Variants in FSTL5 observed in about 807,000 individuals in gnomAD.
FSTL5 encodes the protein follistatin-related protein 5.
Under a neutral mutation model 89.1 loss-of-function variants are expected in FSTL5, and 62 were observed. The observed-to-expected ratio is 0.70, with a 90% confidence interval of 0.57 to 0.86. The LOEUF is 0.86. FSTL5 is among the 40% of genes least tolerant of loss of function. The pLI is 0.00. For missense variants in FSTL5, 1,057 were observed against 1,001.6 expected (o/e 1.06, Z -0.75); for synonymous variants, 383 against 346.2 (o/e 1.11, Z -1.18).
chr4:161,507,161 T>G (rs1459234040), intron 11 of FSTL5, among the ~76,000 whole-genome samples: 1 of 151,992 alleles, frequency 6.6e-6, no homozygotes, highest in Admixed American at 6.6e-5. Flanking sequence ...CTAGCATATG[T>G]AAAATTTATA....
At chr4:161,965,709 C>T (rs549775843) in intron 3 of FSTL5, among the ~76,000 whole-genome samples, 2 of 152,082 alleles carry the variant, frequency 1.3e-5, no homozygotes, top group East Asian at 3.9e-4. Context: ...TTGTTTACTG[C>T]TGGCATAGTG....
chr4:161,887,462 A>G (rs768226590), intron 4 of FSTL5, among the ~76,000 whole-genome samples: 3 of 139,544 alleles, frequency 2.1e-5, no homozygotes, highest in Non-Finnish European at 5.0e-5. Flanking sequence ...CTATCAGTCT[A>G]TCTGTCTGTT....
chr4:161,490,737 T>C (rs1023872638), intron 12 of FSTL5, among the ~76,000 whole-genome samples: 1 of 152,138 alleles, frequency 6.6e-6, no homozygotes, highest in Non-Finnish European at 1.5e-5. Context: ...ACAGAGATAA[T>C]TATATGTGTT....
At chr4:161,833,876 T>C (rs1730937005) in intron 4 of FSTL5, among the ~76,000 whole-genome samples, 1 of 152,044 alleles carries the variant, frequency 6.6e-6, no homozygotes, top group Non-Finnish European at 1.5e-5. Context: ...ATTTAGTCCA[T>C]TTACATTTAA....
intron 3 of FSTL5, among the ~76,000 whole-genome samples, chr4:162,032,187 G>A (rs115286307): frequency 0.01 from 1,561 of 152,202 alleles, 29 homozygotes; most frequent in African/African-American, 0.035. Flanking sequence ...TTTACTATAA[G>A]TAAAATAAGT....
chr4:162,152,556 T>G (rs2111512933), intron 1 of FSTL5, among the ~76,000 whole-genome samples: 1 of 152,268 alleles, frequency 6.6e-6, no homozygotes, highest in Non-Finnish European at 1.5e-5. Context: ...CAAAGCAATT[T>G]CATAATAACA....
chr4:162,029,037 A>G lies in FSTL5; in HGVS notation c.160+4588T>C, dbSNP rs980116115. ...ATAAATATATGTCCCCGGATACATT[A>G]GGCGATTTTCAGTGCTCTGAGGTGC... On this transcript the variant is annotated intron_variant, in intron 3 of 15. Coordinates refer to ENST00000306100, the MANE Select transcript of FSTL5 (RefSeq NM_020116.5). 4.6e-5 allele frequency among the ~76,000 whole-genome samples: 7 copies of G among 152,224 alleles called. 1 individual carries two copies. Among genetic ancestry groups the G allele is most frequent in the Admixed American group, 6.5e-5 (1 of 15,282 alleles).
chr4:161,606,396 A>AT (rs543327400), intron 7 of FSTL5, among the ~76,000 whole-genome samples: 10 of 151,232 alleles, frequency 6.6e-5, no homozygotes, highest in South Asian at 2.1e-4. Context: ...TACAGGCGTA[A>AT]TTTTTTTTGT....
At chr4:162,082,058 A>G (rs1008759801) in intron 2 of FSTL5, among the ~76,000 whole-genome samples, 2 of 151,758 alleles carry the variant, frequency 1.3e-5, no homozygotes, top group Admixed American at 6.6e-5. Context: ...TCTTTTAAAA[A>G]TAGAATTATT....
chr4:161,669,569 G>A (rs1161521921), intron 6 of FSTL5, among the ~76,000 whole-genome samples: 1 of 151,862 alleles, frequency 6.6e-6, no homozygotes, highest in Non-Finnish European at 1.5e-5. Context: ...AAATTGTTCT[G>A]AAACAAATGG....
intron 15 of FSTL5, among the ~76,000 whole-genome samples, chr4:161,437,565 CAAA>C (rs56229701): frequency 0.055 from 3,738 of 68,486 alleles, 298 homozygotes; most frequent in South Asian, 0.097. Flanking sequence ...GACTCCGTCT[CAAA>C]AAAAAAAAAA....
intron 6 of FSTL5, among the ~76,000 whole-genome samples, chr4:161,711,149 G>C (rs1320431291): frequency 1.3e-5 from 2 of 151,850 alleles, no homozygotes; most frequent in African/African-American, 4.8e-5. Context: ...GGGGGACAAG[G>C]GGACAGGTAC....
rs1736157522 is a variant in FSTL5, at chr4:161,992,864, ATATATAT to A, written c.160+40754_160+40760del. 2.3e-3 allele frequency among the ~76,000 whole-genome samples: 154 copies of A among 65,568 alleles called. 1 individual carries two copies. Among genetic ancestry groups the A allele is most frequent in the African/African-American group, 4.3e-3 (66 of 15,518 alleles). 43.0% of individuals were successfully genotyped at this position (65,568 alleles called of 152,430 possible). ...CTCCATCTCAAAAAAAAAAAAAAAT[ATATATAT>A]ATATATATATATATATATATATATA... is the stretch of plus-strand genomic sequence containing the variant. On this transcript the variant is annotated intron_variant, in intron 3 of 15. Transcript: ENST00000306100.
At chr4:161,679,222 G>A (rs529401512) in intron 6 of FSTL5, among the ~76,000 whole-genome samples, 1 of 151,766 alleles carries the variant, frequency 6.6e-6, no homozygotes, top group East Asian at 1.9e-4. Flanking sequence ...AAAAGCATTG[G>A]AAATTAATAT....
intron 6 of FSTL5, among the ~76,000 whole-genome samples, chr4:161,707,419 C>T (rs73862376): frequency 0.19 from 28,203 of 151,532 alleles, 3,081 homozygotes; most frequent in Non-Finnish European, 0.26. Flanking sequence ...AAATATGCTG[C>T]AAAGAGAAAG....
chr4:161,693,836 C>T (rs958712277), intron 6 of FSTL5, among the ~76,000 whole-genome samples: 5 of 151,746 alleles, frequency 3.3e-5, no homozygotes, highest in Non-Finnish European at 5.9e-5. Flanking sequence ...GACGGGTTTT[C>T]GCCATGCTAG....
chr4:161,888,306 C>T (rs919129463), intron 4 of FSTL5, among the ~76,000 whole-genome samples: 3 of 152,048 alleles, frequency 2.0e-5, no homozygotes, highest in African/African-American at 7.2e-5. Context: ...CTTGCCCATT[C>T]ACTTGGTGAA....
chr4:162,101,092 G>A (rs1730979374), intron 2 of FSTL5, among the ~76,000 whole-genome samples: 1 of 152,292 alleles, frequency 6.6e-6, no homozygotes, highest in Admixed American at 6.5e-5. Context: ...CTAGCTCAAA[G>A]TCTTAGACTA....
intron 6 of FSTL5, among the ~76,000 whole-genome samples, chr4:161,731,183 T>C (rs1055378496): frequency 2.6e-5 from 4 of 152,180 alleles, no homozygotes; most frequent in African/African-American, 9.7e-5. Flanking sequence ...TGTATACATA[T>C]CCACGAAATG....
Sources: gnomAD v4.1 joint callset for allele counts (sites outside exome capture counted in the v4.1 genomes callset) on GRCh38, gnomAD v4.1.1 for gene constraint, MANE v1.5 for transcripts, NCBI Gene and HGNC (gene_info 2026-07-23, HGNC 2026-07-21) for gene names.